Variants in PSMD14 observed in about 807,000 individuals in gnomAD.
PSMD14 encodes ubiquitin C-terminal hydrolase PSMD14.
A neutral mutation model predicts 41.2 loss-of-function variants in PSMD14; 7 were observed. That is an observed-to-expected ratio of 0.17 (90% CI 0.10 to 0.32). The LOEUF (loss-of-function observed/expected upper bound fraction) is 0.32. Among genes scored for constraint, PSMD14 ranks in the 10% least tolerant of loss-of-function variants. PSMD14 has a pLI of 1.00. For missense variants in PSMD14, 139 were observed against 375.6 expected (o/e 0.37, Z 5.21); for synonymous variants, 114 against 122.3 (o/e 0.93, Z 0.45).
At chr2:161,342,537 C>T (rs1216029151) in intron 3 of PSMD14, among the ~76,000 whole-genome samples, 1 of 151,832 alleles carries the variant, frequency 6.6e-6, no homozygotes, top group African/African-American at 2.4e-5. Flanking sequence ...TTACTGTCTA[C>T]CTATTTGGAT....
At chr2:161,380,068 G>C (rs1290488546) in intron 7 of PSMD14, among the ~76,000 whole-genome samples, 2 of 152,060 alleles carry the variant, frequency 1.3e-5, no homozygotes, top group Non-Finnish European at 2.9e-5. Context: ...CAGTGCCACA[G>C]TTAGTAACAC....
At chr2:161,381,148 A>C (rs1233589810) in intron 7 of PSMD14, among the ~76,000 whole-genome samples, 2 of 151,138 alleles carry the variant, frequency 1.3e-5, no homozygotes, top group African/African-American at 4.8e-5. Flanking sequence ...GAGGTCTTAA[A>C]ATTTTTTTCA....
intron 3 of PSMD14, among the ~76,000 whole-genome samples, chr2:161,362,917 G>C (rs1683309179): frequency 6.6e-6 from 1 of 152,042 alleles, no homozygotes; most frequent in Non-Finnish European, 1.5e-5. Flanking sequence ...CTTTGCCTTT[G>C]TTTATTGTTT....
chr2:161,366,956 TA>T (rs1683367766), intron 3 of PSMD14, among the ~76,000 whole-genome samples: 1 of 152,162 alleles, frequency 6.6e-6, no homozygotes, highest in African/African-American at 2.4e-5. Context: ...TGTTGTTGTA[TA>T]GGGGGAGGGG....
intron 2 of PSMD14, among the ~76,000 whole-genome samples, chr2:161,316,961 G>A (rs1251562647): frequency 6.6e-6 from 1 of 152,048 alleles, no homozygotes; most frequent in African/African-American, 2.4e-5. Flanking sequence ...GAACACAGCT[G>A]GGAATCAGTT....
intron 1 of PSMD14, among the ~76,000 whole-genome samples, chr2:161,311,433 T>C (rs1328357472): frequency 1.3e-5 from 2 of 152,178 alleles, no homozygotes; most frequent in African/African-American, 4.8e-5. Flanking sequence ...ATGAGTAATC[T>C]AAAAATGATT....
intron 3 of PSMD14, among the ~76,000 whole-genome samples, chr2:161,366,516 C>T (rs1049966119): frequency 1.3e-5 from 2 of 151,888 alleles, no homozygotes; most frequent in Non-Finnish European, 2.9e-5. Flanking sequence ...GAGAACATGG[C>T]TTACAATTTG....
chr2:161,341,279 GGTGGCCAGCGCAGGCAGC>G (rs1322798265), intron 3 of PSMD14: 1 of 1,017,482 alleles, frequency 9.8e-7, no homozygotes, highest in Non-Finnish European at 1.2e-6. Flanking sequence ...GGGCCAGCGC[GGTGGCCAGCGCAGGCAGC>G]GCGGCCAGCA....
At chr2:161,368,086 C>G (rs1683383323) in intron 5 of PSMD14, among the ~76,000 whole-genome samples, 183 bp downstream of exon 5, 1 of 151,944 alleles carries the variant, frequency 6.6e-6, no homozygotes, top group African/African-American at 2.4e-5. Context: ...CGCAGCATAA[C>G]TTCTTATAGG....
In PSMD14 at chr2:161,383,177, A is replaced by G. The variant is rs74376717; in HGVS notation, c.463-2287A>G. On this transcript the variant is annotated intron_variant, in intron 7 of 11. Transcript: ENST00000409682. Reference sequence around the variant, plus strand: ...TAAATCCACTTATTTTCACAGTGCAAAAAGCAATTATAAAATTATACCAAA... The same window carrying G: ...TAAATCCACTTATTTTCACAGTGCAGAAAGCAATTATAAAATTATACCAAA... 5 of 152,228 alleles carry G rather than the reference A, an allele frequency of 3.3e-5. No individual in the cohort carries two copies. The East Asian group carries it at 9.7e-4, about 30-fold the overall frequency. The allele number at this position is 152,228 out of a possible 1,614,324, so 9.4% of individuals were successfully genotyped here. A position where few individuals can be genotyped will look rare whatever the true frequency, so the allele number is the denominator to read the frequency against.
chr2:161,367,390 A>G (rs1458434347), intron 3 of PSMD14, 88 bp from the exon 4 acceptor site: 1 of 1,092,450 alleles, frequency 9.2e-7, no homozygotes, highest in East Asian at 2.6e-5. Flanking sequence ...CTATTTTAAA[A>G]ATATCAAGTT....
intron 3 of PSMD14, among the ~76,000 whole-genome samples, chr2:161,322,547 G>A (rs1682623074): frequency 6.6e-6 from 1 of 152,114 alleles, no homozygotes; most frequent in Admixed American, 6.5e-5. Context: ...GAGCCTCCAC[G>A]CCCAGCTAAT....
At chr2:161,361,740 G>A (rs1172878396) in intron 3 of PSMD14, among the ~76,000 whole-genome samples, 1 of 152,166 alleles carries the variant, frequency 6.6e-6, no homozygotes, top group African/African-American at 2.4e-5. Context: ...GGTAAGGTGA[G>A]TGAACCAGTG....
chr2:161,338,048 A>G lies in PSMD14; in HGVS notation c.48+19175A>G, dbSNP rs530943059. Among the ~76,000 whole-genome samples the G allele has an allele frequency of 1.9e-4, 29 of 152,360 alleles. No individual in the cohort carries two copies. In the Middle Eastern group the frequency reaches 0.014, roughly 71 times the overall value. On this transcript the variant is annotated intron_variant, in intron 3 of 11. Transcript: ENST00000409682. The stretch of plus-strand genomic sequence containing the variant: ...GTTACAAGAATAAAAAATGATGAGA[A>G]AATCTAAAAACATTTTGTAAAACCA...
intron 8 of PSMD14, among the ~76,000 whole-genome samples, chr2:161,390,107 T>C (rs1214551511): frequency 6.6e-6 from 1 of 151,668 alleles, no homozygotes; most frequent in Non-Finnish European, 1.5e-5. Flanking sequence ...GAAGATGTAA[T>C]GTGTAAAGCA....
At chr2:161,395,014 C>A (rs879246386) in intron 9 of PSMD14, 64 bp from the exon 10 acceptor site, 40 of 1,142,494 alleles carry the variant, frequency 3.5e-5, no homozygotes, top group Non-Finnish European at 3.5e-5. Context: ...AGTTTTTTTT[C>A]TCTAGACAAT....
At chr2:161,400,233 T>C (rs1215813734) in intron 10 of PSMD14, among the ~76,000 whole-genome samples, 1 of 152,252 alleles carries the variant, frequency 6.6e-6, no homozygotes, top group Non-Finnish European at 1.5e-5. Context: ...TCTATCTCTC[T>C]GCTCTGCTTT....
intron 3 of PSMD14, among the ~76,000 whole-genome samples, chr2:161,342,911 A>G (rs1484636131): frequency 6.6e-6 from 1 of 152,180 alleles, no homozygotes; most frequent in African/African-American, 2.4e-5. Context: ...TTAACTTACC[A>G]TAGTCTACCT....
chr2:161,347,168 G>T (rs564170048), intron 3 of PSMD14, among the ~76,000 whole-genome samples: 3 of 152,110 alleles, frequency 2.0e-5, no homozygotes, highest in Non-Finnish European at 2.9e-5. Flanking sequence ...TTTGGAGATC[G>T]TTGTTCTTTG....
Sources: gnomAD v4.1 joint callset for allele counts (sites outside exome capture counted in the v4.1 genomes callset) on GRCh38, gnomAD v4.1.1 for gene constraint, MANE v1.5 for transcripts, NCBI Gene and HGNC (gene_info 2026-07-23, HGNC 2026-07-21) for gene names.